Variants in PTPRG observed in about 807,000 individuals in gnomAD.
The protein encoded by PTPRG is protein tyrosine phosphatase receptor type G.
A neutral mutation model predicts 165.3 loss-of-function variants in PTPRG; 102 were observed. The ratio of observed to expected loss-of-function variants is 0.62; its 90% CI spans 0.53 to 0.73. The LOEUF (loss-of-function observed/expected upper bound fraction) is 0.73, where lower values mean the gene tolerates loss of function less well. Ranked by LOEUF, PTPRG falls within the 30% of genes least tolerant of loss-of-function variation. PTPRG has a pLI of 0.00. For missense variants in PTPRG, 1,866 were observed against 1,861.4 expected (o/e 1.00, Z -0.05); for synonymous variants, 675 against 669.5 (o/e 1.01, Z -0.13).
chr3:61,794,210 A>C (rs2034981533), intron 2 of PTPRG, among the ~76,000 whole-genome samples: 1 of 152,182 alleles, frequency 6.6e-6, no homozygotes, highest in African/African-American at 2.4e-5. Flanking sequence ...AAAAAATCAG[A>C]ATAGAATTTG....
intron 2 of PTPRG, among the ~76,000 whole-genome samples, chr3:61,814,756 C>G (rs973036062): frequency 4.0e-5 from 6 of 150,796 alleles, no homozygotes; most frequent in African/African-American, 1.5e-4. Context: ...CTTTTTTCTT[C>G]TTTGTATTCA....
At chr3:61,770,983 C>CT (rs2034189954) in intron 2 of PTPRG, 1 of 152,014 alleles carries the variant, frequency 6.6e-6, no homozygotes, top group Non-Finnish European at 1.5e-5. Flanking sequence ...TAGAGTTATC[C>CT]TTTCTTCTGG....
At chr3:61,713,158 A>G (rs1286538534) in intron 1 of PTPRG, among the ~76,000 whole-genome samples, 1 of 149,716 alleles carries the variant, frequency 6.7e-6, no homozygotes, top group African/African-American at 2.5e-5. Flanking sequence ...CTGAAACATC[A>G]AATATGTTTT....
chr3:61,806,723 G>A (rs1167760571), intron 2 of PTPRG, among the ~76,000 whole-genome samples: 1 of 152,166 alleles, frequency 6.6e-6, no homozygotes, highest in Non-Finnish European at 1.5e-5. Flanking sequence ...TTACAGAGTG[G>A]TAATTATTCT....
chr3:61,950,292 A>G (rs1192633580), intron 2 of PTPRG, among the ~76,000 whole-genome samples: 6 of 151,982 alleles, frequency 3.9e-5, no homozygotes, highest in Non-Finnish European at 7.4e-5. Flanking sequence ...ATGCCCCTGC[A>G]GTTTTGCTTA....
In PTPRG at chr3:62,258,157, C is replaced by T. The variant is rs767141181; in HGVS notation, c.2559+2942C>T. Among the ~76,000 whole-genome samples the T allele has an allele frequency of 1.1e-4, 17 of 152,092 alleles. 1 individual carries two copies. Among genetic ancestry groups the T allele is most frequent in the Middle Eastern group, 6.8e-3 (2 of 292 alleles). Reference sequence around the variant, plus strand: ...GCCCATTACATGATCTTTATGGTCTCGAGCCTTCTAAGATAGCTGAGAATA... The same window carrying T: ...GCCCATTACATGATCTTTATGGTCTTGAGCCTTCTAAGATAGCTGAGAATA... On this transcript the variant is annotated intron_variant, in intron 16 of 29. Transcript: ENST00000474889.
At chr3:62,115,265 T>G (rs1250055721) in intron 5 of PTPRG, among the ~76,000 whole-genome samples, 7 of 152,192 alleles carry the variant, frequency 4.6e-5, no homozygotes, top group Non-Finnish European at 7.3e-5. Flanking sequence ...ACCTTCCTAT[T>G]GGTTTATCTT....
chr3:61,574,843 G>A (rs191155309), intron 1 of PTPRG, among the ~76,000 whole-genome samples: 2 of 152,130 alleles, frequency 1.3e-5, no homozygotes, highest in East Asian at 3.9e-4. Context: ...CAAAACCCAA[G>A]TGATGCCCTG....
rs561126005 is a variant in PTPRG at position 61,791,662 on chromosome 3, A to G, written c.190+42680A>G. ...GCCACCACGCCTGGCTAATGTTTAT[A>G]TTTTCAGTAGAGATGGGGTTTCACC... is the stretch of plus-strand genomic sequence containing the variant. On this transcript the variant is annotated intron_variant, in intron 2 of 29. Transcript: ENST00000474889. Among the ~76,000 whole-genome samples the G allele has an allele frequency of 2.4e-4, 37 of 152,118 alleles. No individual in the cohort carries two copies. The South Asian group carries it at 7.5e-3, about 31-fold the overall frequency.
chr3:62,121,814 A>C (rs1361058289), intron 5 of PTPRG, among the ~76,000 whole-genome samples: 1 of 152,236 alleles, frequency 6.6e-6, no homozygotes, highest in Non-Finnish European at 1.5e-5. Flanking sequence ...TTATTTTCTC[A>C]GAGGAGAGAG....
chr3:61,889,311 G>C (rs1450470833), intron 2 of PTPRG, among the ~76,000 whole-genome samples: 1 of 152,010 alleles, frequency 6.6e-6, no homozygotes, highest in East Asian at 1.9e-4. Context: ...TATCATTGGG[G>C]CTCATGTATT....
intron 3 of PTPRG, among the ~76,000 whole-genome samples, chr3:62,001,976 G>A (rs1217194875): frequency 2.5e-4 from 38 of 152,160 alleles, no homozygotes; most frequent in Admixed American, 2.5e-3. Flanking sequence ...GAGTGAAGGT[G>A]GCACAGTGCT....
chr3:61,606,353 G>A (rs1701006610), intron 1 of PTPRG, among the ~76,000 whole-genome samples: 1 of 152,176 alleles, frequency 6.6e-6, no homozygotes, highest in African/African-American at 2.4e-5. Context: ...GGTGCGGGGT[G>A]TCAGGGTGTC....
chr3:61,982,373 C>T (rs572602621), intron 2 of PTPRG, among the ~76,000 whole-genome samples: 54 of 152,158 alleles, frequency 3.5e-4, no homozygotes, highest in Middle Eastern at 3.4e-3. Context: ...TAAATGATCC[C>T]AATTATTGGT....
intron 2 of PTPRG, among the ~76,000 whole-genome samples, chr3:61,867,235 C>T (rs2037437221): frequency 6.6e-6 from 1 of 152,154 alleles, no homozygotes; most frequent in Admixed American, 6.5e-5. Context: ...TGCGGCCCTC[C>T]TCCATGGCCA....
intron 2 of PTPRG, among the ~76,000 whole-genome samples, chr3:61,911,212 G>T (rs2038794848): frequency 6.6e-6 from 1 of 152,134 alleles, no homozygotes; most frequent in African/African-American, 2.4e-5. Flanking sequence ...AGACAAAGAG[G>T]GGAAGGGGGC....
chr3:61,825,111 T>G (rs1323798289), intron 2 of PTPRG, among the ~76,000 whole-genome samples: 3 of 152,122 alleles, frequency 2.0e-5, no homozygotes, highest in Non-Finnish European at 4.4e-5. Context: ...GTGAAAAGGG[T>G]AAGAATATTC....
chr3:61,788,682 A>G (rs1055684114), intron 2 of PTPRG, among the ~76,000 whole-genome samples: 1 of 152,220 alleles, frequency 6.6e-6, no homozygotes, highest in Non-Finnish European at 1.5e-5. Flanking sequence ...GAGGTTGCAG[A>G]TATTTTTGTC....
chr3:61,584,474 A>G (rs1359205356), intron 1 of PTPRG, among the ~76,000 whole-genome samples: 2 of 152,126 alleles, frequency 1.3e-5, no homozygotes, highest in African/African-American at 2.4e-5. Flanking sequence ...TTGGACAGCA[A>G]GTGTTACAAC....
Sources: gnomAD v4.1 joint callset for allele counts (sites outside exome capture counted in the v4.1 genomes callset) on GRCh38, gnomAD v4.1.1 for gene constraint, MANE v1.5 for transcripts, NCBI Gene and HGNC (gene_info 2026-07-23, HGNC 2026-07-21) for gene names.